NEDD8: variants seen among roughly 807,000 people sequenced by gnomAD.
NEDD8 encodes the protein NEDD8 ubiquitin like modifier.
NEDD8 carries 1 observed loss-of-function variant against 13.8 expected under a neutral mutation model. The observed-to-expected ratio is 0.07, with a 90% CI of 0.03 to 0.34. The LOEUF (loss-of-function observed/expected upper bound fraction) is 0.34. Ranked by LOEUF, NEDD8 falls within the 10% of genes least tolerant of loss-of-function variation. NEDD8 has a pLI of 0.99. For synonymous variants in NEDD8, 31 were observed against 33.2 expected (o/e 0.93, Z 0.23); for missense variants, 10 against 95.2 (o/e 0.10, Z 3.73).
intron 1 of NEDD8, among the ~76,000 whole-genome samples, chr14:24,230,975 G>C (rs560028008): frequency 6.6e-6 from 1 of 151,494 alleles, no homozygotes; most frequent in African/African-American, 2.4e-5. Context: ...CCGCGGCTTC[G>C]ACATCCCAGG....
intron 1 of NEDD8, among the ~76,000 whole-genome samples, chr14:24,224,384 T>TG (rs993306268): frequency 6.6e-6 from 1 of 152,136 alleles, no homozygotes; most frequent in Non-Finnish European, 1.5e-5. Flanking sequence ...TTTGTAGAGA[T>TG]GGGGTCTCGA....
intron 1 of NEDD8, among the ~76,000 whole-genome samples, chr14:24,224,072 C>T (rs35839918): frequency 4.0e-5 from 6 of 151,854 alleles, no homozygotes; most frequent in Non-Finnish European, 5.9e-5. Context: ...GGACTACAGG[C>T]GCCCGCCACT....
At chr14:24,230,612 CTT>C (rs1002541225) in intron 1 of NEDD8, among the ~76,000 whole-genome samples, 6 of 147,006 alleles carry the variant, frequency 4.1e-5, no homozygotes, top group Admixed American at 2.0e-4. Context: ...CCCCCTCTCT[CTT>C]TCTTTTTTTT....
chr14:24,219,126 ATTCT>A (rs1448551602), intron 1 of NEDD8, among the ~76,000 whole-genome samples: 2 of 152,164 alleles, frequency 1.3e-5, no homozygotes, highest in Non-Finnish European at 2.9e-5. Context: ...AATTTGAAGA[ATTCT>A]CAAGGACACC....
chr14:24,229,869 G>A (rs1046919366), intron 1 of NEDD8, among the ~76,000 whole-genome samples: 8 of 152,114 alleles, frequency 5.3e-5, no homozygotes, highest in African/African-American at 1.4e-4. Flanking sequence ...TCAAGAGATC[G>A]ATACCATCCT....
chr14:24,216,912 G>A lies in NEDD8; in HGVS notation c.*215C>T. On this transcript the variant is annotated 3_prime_UTR_variant, in exon 4 of 4. Transcript: ENST00000250495. ...AACCAGGGACACAGTCATAAGAGAG[G>A]GAAGCACACAGGACTGCAAACTAAC... is the stretch of plus-strand genomic sequence containing the variant. 3.8e-6 allele frequency: 2 copies of A among 532,214 alleles called. No individual in the cohort carries two copies. Among genetic ancestry groups the A allele is most frequent in the East Asian group, 3.1e-5 (1 of 32,552 alleles). 33.0% of individuals were successfully genotyped at this position (532,214 alleles called of 1,614,324 possible).
At chr14:24,230,885 T>A (rs1168529308) in intron 1 of NEDD8, among the ~76,000 whole-genome samples, 2 of 152,146 alleles carry the variant, frequency 1.3e-5, no homozygotes, top group Non-Finnish European at 2.9e-5. Flanking sequence ...CCCAAAGTGC[T>A]GGGATTACAG....
intron 1 of NEDD8, among the ~76,000 whole-genome samples, chr14:24,223,399 C>A (rs1414471327): frequency 6.6e-6 from 1 of 150,700 alleles, no homozygotes; most frequent in Non-Finnish European, 1.5e-5. Context: ...ACCCTATCTC[C>A]AAAAAAAACC....
At chr14:24,219,491 AAAAAAAAAAAG>A (rs1474545065) in intron 1 of NEDD8, among the ~76,000 whole-genome samples, 61 of 137,428 alleles carry the variant, frequency 4.4e-4, no homozygotes, top group African/African-American at 2.0e-3. Flanking sequence ...AAAAAAAAAA[AAAAAAAAAAAG>A]AAAGTAAAAG....
At chr14:24,220,642 C>G (rs2039791444) in intron 1 of NEDD8, among the ~76,000 whole-genome samples, 1 of 152,132 alleles carries the variant, frequency 6.6e-6, no homozygotes, top group South Asian at 2.1e-4. Flanking sequence ...TTCTAAGGGT[C>G]AGTAACTATG....
chr14:24,229,946 T>C (rs1355445746), intron 1 of NEDD8, among the ~76,000 whole-genome samples: 1 of 151,634 alleles, frequency 6.6e-6, no homozygotes, highest in African/African-American at 2.4e-5. Context: ...TGGCACACCC[T>C]GTAGTCCCAG....
rs1245819193 is a variant in NEDD8, at chr14:24,219,489, AAAAAAAAAAAAAG to A, written c.19-1071_19-1059del. Among the ~76,000 whole-genome samples, 22 of 149,986 alleles carry A rather than the reference AAAAAAAAAAAAAG, an allele frequency of 1.5e-4. 1 individual carries two copies. Among genetic ancestry groups the A allele is most frequent in the African/African-American group, 5.0e-4 (20 of 40,358 alleles). ...CAACACCCTCGCAAAAAAAAAAAAA[AAAAAAAAAAAAAG>A]AAAGTAAAAGAAAAAAGAGAAAAGA... On this transcript the variant is annotated intron_variant, in intron 1 of 3. Transcript: ENST00000250495.
chr14:24,220,208 G>C (rs771686239), intron 1 of NEDD8, among the ~76,000 whole-genome samples: 1 of 152,202 alleles, frequency 6.6e-6, no homozygotes, highest in Non-Finnish European at 1.5e-5. Flanking sequence ...AGTTGTTTAA[G>C]TGTTAAACTT....
chr14:24,232,293 C>T lies in NEDD8; in HGVS notation c.-26G>A, dbSNP rs760116856. On this transcript the variant is annotated 5_prime_UTR_variant, in exon 1 of 4. It adds an upstream start codon to the 5' untranslated region. Transcript: ENST00000250495. ...CTTCTTTCCAGTTTGGGGCTGCACA[C>T]GGATAAATTGCTGCTCCTACCGCTC... is the stretch of plus-strand genomic sequence containing the variant. 1.2e-6 allele frequency: 2 copies of T among 1,612,214 alleles called. No individual in the cohort carries two copies. Among genetic ancestry groups the T allele is most frequent in the African/African-American group, 2.7e-5 (2 of 74,504 alleles).
At position 24,232,153 on chromosome 14, in the gene NEDD8, C is replaced by A. The variant is rs182383243; in HGVS notation, c.18+97G>T. 2.1e-4 allele frequency: 340 copies of A among 1,594,002 alleles called. 8 individuals carry two copies. The Admixed American group carries it at 4.4e-3, about 20-fold the overall frequency. On this transcript the variant is annotated intron_variant, in intron 1 of 3. Transcript: ENST00000250495. Reference sequence around the variant, plus strand: ...CCTGAGGCAGTCAGCGTCCTCCAGGCTAGGGAAAGGCGTGGTTTTCCTTCC... The same window carrying A: ...CCTGAGGCAGTCAGCGTCCTCCAGGATAGGGAAAGGCGTGGTTTTCCTTCC...
chr14:24,225,165 C>T (rs1326486679), intron 1 of NEDD8, among the ~76,000 whole-genome samples: 1 of 99,104 alleles, frequency 1.0e-5, no homozygotes, highest in Non-Finnish European at 2.0e-5. Context: ...GAGCAAGACT[C>T]TGTCTCAAAA....
chr14:24,231,052 G>T (rs925839764), intron 1 of NEDD8, among the ~76,000 whole-genome samples: 1 of 152,158 alleles, frequency 6.6e-6, no homozygotes, highest in East Asian at 1.9e-4. Context: ...CAGACCCTTG[G>T]CTAATTTTTT....
In NEDD8 at chr14:24,232,357, G is replaced by T; in HGVS notation, c.-90C>A. On this transcript the variant is annotated 5_prime_UTR_variant, in exon 1 of 4. Transcript: ENST00000250495. ...CGCCCTCCAGCACTCTTGCCTGCAA[G>T]GGCCACTTCTACTTCCGGGTCACTG... is the stretch of plus-strand genomic sequence containing the variant. 1 of 1,478,036 alleles carries T rather than the reference G, an allele frequency of 6.8e-7. No individual in the cohort carries two copies. The highest frequency in any genetic ancestry group is 9.2e-7 in the Non-Finnish European group (1 of 1,085,432). 91.6% of individuals were successfully genotyped at this position (1,478,036 alleles called of 1,614,324 possible).
intron 1 of NEDD8, among the ~76,000 whole-genome samples, chr14:24,224,120 G>A (rs1320620458): frequency 2.0e-5 from 3 of 152,096 alleles, no homozygotes; most frequent in Non-Finnish European, 2.9e-5. Flanking sequence ...TAGTAGAGAC[G>A]GGTTTTCACT....
Sources: gnomAD v4.1 joint callset for allele counts (sites outside exome capture counted in the v4.1 genomes callset) on GRCh38, gnomAD v4.1.1 for gene constraint, MANE v1.5 for transcripts, NCBI Gene and HGNC (gene_info 2026-07-23, HGNC 2026-07-21) for gene names.